SYN3: variants seen among roughly 807,000 people sequenced by gnomAD.
SYN3 encodes the protein synapsin-3.
SYN3 carries 35 observed loss-of-function variants against 65.8 expected under a neutral mutation model. That is an observed-to-expected ratio of 0.53 (90% CI 0.41 to 0.70). SYN3 has a LOEUF of 0.70. SYN3 is among the 30% of genes least tolerant of loss of function. The probability of loss-of-function intolerance (pLI) is 0.00; values close to 1 mark genes in which losing one functional copy is unlikely to be tolerated. For synonymous variants in SYN3, 270 were observed against 292.9 expected (o/e 0.92, Z 0.80); for missense variants, 680 against 749.0 (o/e 0.91, Z 1.08).
chr22:32,662,283 T>C (rs2060227320), intron 6 of SYN3, among the ~76,000 whole-genome samples: 1 of 152,134 alleles, frequency 6.6e-6, no homozygotes. Flanking sequence ...CTCATATCCA[T>C]GTTCACGGTT....
chr22:32,751,025 G>A (rs1231685063), intron 6 of SYN3, among the ~76,000 whole-genome samples: 1 of 152,110 alleles, frequency 6.6e-6, no homozygotes, highest in Non-Finnish European at 1.5e-5. Context: ...CACCAGGTTA[G>A]AGCAACAAAG....
At chr22:33,040,680 GA>G (rs1466745229) in intron 1 of SYN3, among the ~76,000 whole-genome samples, 2 of 152,136 alleles carry the variant, frequency 1.3e-5, no homozygotes, top group Admixed American at 6.5e-5. Flanking sequence ...GGACGTAATT[GA>G]ATCATGGGGG....
At chr22:33,053,254 T>C (rs941681742) in intron 1 of SYN3, among the ~76,000 whole-genome samples, 3 of 152,016 alleles carry the variant, frequency 2.0e-5, no homozygotes, top group African/African-American at 7.2e-5. Context: ...GAAACCCCGT[T>C]TCCACTAAAA....
intron 6 of SYN3, among the ~76,000 whole-genome samples, chr22:32,713,724 G>T (rs1306691561): frequency 1.3e-5 from 2 of 151,842 alleles, no homozygotes; most frequent in Admixed American, 6.6e-5. Context: ...CCAGCTACTC[G>T]GGAGGCTGAG....
At position 32,860,307 on chromosome 22, in the gene SYN3, T is replaced by C. The variant is rs190547323; in HGVS notation, c.711+4608A>G. On this transcript the variant is annotated intron_variant, in intron 6 of 13. Transcript: ENST00000358763. ...ACACACCATACACTATCCACAGATA[T>C]AGCCAAGTAGATTTGGGTAGAGGAT... The C allele has an allele frequency of 1.2e-4, 19 of 152,762 alleles. No homozygotes were observed. Among genetic ancestry groups the C allele is most frequent in the African/African-American group, 4.1e-4 (17 of 41,580 alleles). The allele number at this position is 152,762 out of a possible 1,614,324, so 9.5% of individuals were successfully genotyped here.
At chr22:32,725,110 T>C (rs963635818) in intron 6 of SYN3, among the ~76,000 whole-genome samples, 1 of 152,088 alleles carries the variant, frequency 6.6e-6, no homozygotes, top group Non-Finnish European at 1.5e-5. Flanking sequence ...GGGTGAGACT[T>C]TGTCTCAAAC....
chr22:32,990,845 C>T (rs1436454300), intron 2 of SYN3, among the ~76,000 whole-genome samples: 2 of 151,776 alleles, frequency 1.3e-5, no homozygotes, highest in African/African-American at 2.4e-5. Context: ...GTGGGGAGTT[C>T]GAAACCAACC....
chr22:32,942,757 G>A (rs1405205510), intron 3 of SYN3, among the ~76,000 whole-genome samples: 1 of 152,206 alleles, frequency 6.6e-6, no homozygotes, highest in African/African-American at 2.4e-5. Flanking sequence ...TAAATGACCT[G>A]ATGGAGCTGA....
At chr22:32,831,853 C>A (rs188572608) in intron 6 of SYN3, among the ~76,000 whole-genome samples, 6 of 152,114 alleles carry the variant, frequency 3.9e-5, no homozygotes, top group Non-Finnish European at 4.4e-5. Context: ...CTGCACCCCC[C>A]CCAACCTCCA....
chr22:32,663,603 CT>C (rs1403810291), intron 6 of SYN3, among the ~76,000 whole-genome samples: 1 of 152,132 alleles, frequency 6.6e-6, no homozygotes, highest in Non-Finnish European at 1.5e-5. Flanking sequence ...CAGCCTAAAC[CT>C]CTTTTTCTTT....
intron 6 of SYN3, among the ~76,000 whole-genome samples, chr22:32,654,141 A>G (rs1474733327): frequency 6.6e-6 from 1 of 152,324 alleles, no homozygotes; most frequent in African/African-American, 2.4e-5. Flanking sequence ...CACAGCAACA[A>G]GGTAAGTCGG....
chr22:32,784,657 C>T (rs1236393278), intron 6 of SYN3, among the ~76,000 whole-genome samples: 1 of 152,180 alleles, frequency 6.6e-6, no homozygotes, highest in Admixed American at 6.5e-5. Flanking sequence ...TGTATGGCAA[C>T]ATTGTCATGC....
At chr22:32,999,632 G>C in intron 2 of SYN3, among the ~76,000 whole-genome samples, 1 of 152,224 alleles carries the variant, frequency 6.6e-6, no homozygotes, top group African/African-American at 2.4e-5. Context: ...GCAGTGAGCT[G>C]AGATTGCGCC....
At chr22:32,859,392 C>A in intron 6 of SYN3, 1 of 1,604,296 alleles carries the variant, frequency 6.2e-7, no homozygotes, top group Non-Finnish European at 8.5e-7. Flanking sequence ...CAGACCCTGC[C>A]CCACCTCACT....
intron 2 of SYN3, among the ~76,000 whole-genome samples, chr22:32,992,771 CT>C (rs2052758656): frequency 6.6e-6 from 1 of 152,162 alleles, no homozygotes; most frequent in South Asian, 2.1e-4. Flanking sequence ...CAACATCACT[CT>C]GCTGCACTCC....
At chr22:32,588,041 T>C (rs1310942773) in intron 7 of SYN3, among the ~76,000 whole-genome samples, 1 of 152,246 alleles carries the variant, frequency 6.6e-6, no homozygotes, top group East Asian at 1.9e-4. Flanking sequence ...TTATGAGGAC[T>C]GCACTACATA....
At chr22:33,027,790 A>C (rs992569834) in intron 1 of SYN3, among the ~76,000 whole-genome samples, 1 of 152,252 alleles carries the variant, frequency 6.6e-6, no homozygotes, top group Non-Finnish European at 1.5e-5. Context: ...CTCACTTCAC[A>C]CATTGTTGTG....
chr22:32,632,527 G>T (rs956892961), intron 6 of SYN3, among the ~76,000 whole-genome samples: 2 of 152,064 alleles, frequency 1.3e-5, no homozygotes, highest in Non-Finnish European at 2.9e-5. Context: ...TGGGGCCTTC[G>T]ATCTTTCATC....
intron 1 of SYN3, among the ~76,000 whole-genome samples, chr22:33,044,191 T>C (rs748977472): frequency 6.6e-6 from 1 of 152,222 alleles, no homozygotes. Context: ...ATGTGGAGTC[T>C]GTGAGCTTCA....
Sources: gnomAD v4.1 joint callset for allele counts (sites outside exome capture counted in the v4.1 genomes callset) on GRCh38, gnomAD v4.1.1 for gene constraint, MANE v1.5 for transcripts, NCBI Gene and HGNC (gene_info 2026-07-23, HGNC 2026-07-21) for gene names.